The following ZFC3H1 variants were observed in gnomAD, a reference collection of about 807,000 sequenced individuals.
The protein encoded by ZFC3H1 is zinc finger C3H1-type containing, also known as zinc finger C3H1 domain-containing protein.
ZFC3H1 carries 71 observed loss-of-function variants against 243.7 expected under a neutral mutation model. The ratio of observed to expected loss-of-function variants is 0.29; its 90% CI spans 0.24 to 0.36. The LOEUF is 0.36. ZFC3H1 is among the 10% of genes least tolerant of loss of function. The probability of loss-of-function intolerance (pLI) is 1.00; values close to 1 mark genes in which losing one functional copy is unlikely to be tolerated. For synonymous variants in ZFC3H1, 838 were observed against 813.0 expected, an observed-to-expected ratio of 1.03 and a Z score of -0.52; for missense variants, 1,966 against 2,317.1, an observed-to-expected ratio of 0.85 and a Z score of 3.11.
In ZFC3H1 at chr12:71,642,342, C is replaced by T. The variant is rs534425110; in HGVS notation, c.1627+94G>A. Reference sequence around the variant, plus strand: ...ACAGTTCATCAGCAAATCTCACTTTCATTACACATTTCTTTAAAGGTTTTG... The same window carrying T: ...ACAGTTCATCAGCAAATCTCACTTTTATTACACATTTCTTTAAAGGTTTTG... On this transcript the variant is annotated intron_variant, in intron 6 of 34. Coordinates refer to ENST00000378743, the MANE Select transcript of ZFC3H1 (RefSeq NM_144982.5). 9.2e-5 allele frequency: 127 copies of T among 1,375,388 alleles called. No individual in the cohort carries two copies. The Admixed American group carries it at 1.5e-3, about 16-fold the overall frequency. The allele number at this position is 1,375,388 out of a possible 1,614,324, so 85.2% of individuals were successfully genotyped here.
At chr12:71,642,580 T>C (rs200485749) in intron 5 of ZFC3H1, 21 bp from the exon 6 acceptor site, 96 of 1,588,376 alleles carry the variant, frequency 6.0e-5, no homozygotes, top group South Asian at 9.4e-5. Context: ...AACACTTTTT[T>C]AGTTTCAAAG....
chr12:71,611,135 G>T, intron 32 of ZFC3H1, 38 bp from the exon 33 acceptor site: 1 of 1,510,166 alleles, frequency 6.6e-7, no homozygotes, highest in Non-Finnish European at 8.8e-7. Context: ...ATAGAAAAAG[G>T]AAAAGAAAAA....
In ZFC3H1 at chr12:71,658,471, T is replaced by C. The variant is rs559548300; in HGVS notation, c.599-1170A>G. On this transcript the variant is annotated intron_variant, in intron 1 of 34. Coordinates refer to ENST00000378743, the MANE Select transcript of ZFC3H1 (RefSeq NM_144982.5). The stretch of plus-strand genomic sequence containing the variant: ...GCCCAGCTAATTTTTGTATTTTTAG[T>C]AGAGATGGAGTTTCACCATGTTGAC... Among the ~76,000 whole-genome samples the C allele has an allele frequency of 2.6e-3, 391 of 151,970 alleles. 2 individuals are homozygous for C. The highest frequency in any genetic ancestry group is 3.1e-3 in the Non-Finnish European group (209 of 67,954).
intron 1 of ZFC3H1, among the ~76,000 whole-genome samples, chr12:71,661,196 G>A (rs1365188387): frequency 2.6e-5 from 4 of 151,592 alleles, no homozygotes; most frequent in Non-Finnish European, 4.4e-5. Context: ...CCAGCTACTC[G>A]GGAGACTGAG....
At position 71,627,126 on chromosome 12, in the gene ZFC3H1, T is replaced by TA. The variant is rs35254500; in HGVS notation, c.4130+624dup. Among the ~76,000 whole-genome samples the TA allele has an allele frequency of 1.8e-3, 263 of 147,524 alleles. 1 individual carries two copies. Among genetic ancestry groups the TA allele is most frequent in the East Asian group, 7.9e-3 (39 of 4,944 alleles). On this transcript the variant is annotated intron_variant, in intron 21 of 34. Transcript: ENST00000378743. ...TAGTCAAATATTTCAAAGAAACGTGTAAAAAAAAAAAACCCTTGAATTATT... is the reference window on the plus strand; with the variant it reads ...TAGTCAAATATTTCAAAGAAACGTGTAAAAAAAAAAAAACCCTTGAATTATT...
rs761214710 is a variant in ZFC3H1, at chr12:71,663,171, C to A, written c.440G>T (p.Arg147Leu). Reference protein sequence around the residue: ...SHLALDRFRFRGRPYRGGSRW... With the variant: ...SHLALDRFRFLGRPYRGGSRW... ...ACTCCCACCCCGGTAAGGCCTGCCT[C>A]GAAAGCGGAAACGGTCCAAGGCGAG... The change falls in exon 1 of 35, where the codon CGA (arginine) becomes CTA (leucine). Residue 147 changes from arginine (R) to leucine (L), a missense_variant. Transcript: ENST00000378743. 31 of 1,614,000 alleles carry A rather than the reference C, an allele frequency of 1.9e-5. No individual in the cohort carries two copies. Among genetic ancestry groups the A allele is most frequent in the Middle Eastern group, 1.6e-4 (1 of 6,084 alleles).
rs982100353 is a variant in ZFC3H1 at position 71,621,884 on chromosome 12, T to C, written c.4744+1476A>G. On this transcript the variant is annotated intron_variant, in intron 24 of 34. Coordinates refer to ENST00000378743, the MANE Select transcript of ZFC3H1 (RefSeq NM_144982.5). ...TATCCTCCTTACCAGAATACTTTTC[T>C]TGTACTTCAGTTACTGCCATCAGCT... is the stretch of plus-strand genomic sequence containing the variant. Among the ~76,000 whole-genome samples, 36 of 152,226 alleles carry C rather than the reference T, an allele frequency of 2.4e-4. 1 individual carries two copies. The highest frequency in any genetic ancestry group is 8.5e-4 in the Admixed American group (13 of 15,290).
At chr12:71,623,695 G>T in intron 23 of ZFC3H1, 98 bp from the exon 24 acceptor site, 1 of 842,210 alleles carries the variant, frequency 1.2e-6, no homozygotes, top group Non-Finnish European at 1.8e-6. Context: ...ATAATAAAAA[G>T]GTCACATTTA....
At chr12:71,661,600 G>C (rs1292054588) in intron 1 of ZFC3H1, among the ~76,000 whole-genome samples, 1 of 149,782 alleles carries the variant, frequency 6.7e-6, no homozygotes, top group East Asian at 2.0e-4. Flanking sequence ...TCCTGCCTCA[G>C]CCTCCCGGGT....
At chr12:71,641,847 A>G (rs775391939) in intron 6 of ZFC3H1, among the ~76,000 whole-genome samples, 4 of 152,000 alleles carry the variant, frequency 2.6e-5, no homozygotes, top group Non-Finnish European at 4.4e-5. Context: ...CATCTTTCCC[A>G]TTCTTCACTT....
chr12:71,663,435 T>G lies in ZFC3H1; in HGVS notation c.176A>C (p.His59Pro). ...LLPYPRRRPP[H>P]SARGGGSGGG... ...GCCAGATCCACCGCCCCGGGCCGAG[T>G]GAGGAGGCCTTCGCCGCGGATAGGG... Residue 59 changes from histidine to proline, a missense_variant, in exon 1 of 35, where the codon CAC becomes CCC. This residue lies in a region of ZFC3H1 where 484 missense variants were observed against 449.7 expected (regional missense o/e 1.08). Transcript: ENST00000378743. The G allele has an allele frequency of 3.7e-6, 6 of 1,611,862 alleles. No individual in the cohort carries two copies. Among genetic ancestry groups the G allele is most frequent in the Non-Finnish European group, 5.1e-6 (6 of 1,180,000 alleles).
intron 33 of ZFC3H1, 148 bp downstream of exon 33, chr12:71,610,910 A>T: frequency 2.8e-6 from 4 of 1,419,216 alleles, no homozygotes; most frequent in Non-Finnish European, 2.9e-6. Flanking sequence ...GTACTCTTAA[A>T]ATGTTAACTA....
rs1403996318 is a variant in ZFC3H1 at position 71,627,854 on chromosome 12, C to T, written c.4027G>A (p.Glu1343Lys). The T allele has an allele frequency of 6.2e-7, 1 of 1,613,866 alleles. No homozygotes were observed. Among genetic ancestry groups the T allele is most frequent in the Non-Finnish European group, 8.5e-7 (1 of 1,179,906 alleles). Reference sequence around the variant, plus strand: ...TCTAAATTAGCGATGTCATCAGTCTCATTTGTAAAGTATCTGACATCATCT... The same window carrying T: ...TCTAAATTAGCGATGTCATCAGTCTTATTTGTAAAGTATCTGACATCATCT... ...TPDDVRYFTN[E>K]TDDIANLEAS... is the part of the protein sequence containing the mutation. Residue 1343 changes from glutamate to lysine, a missense_variant, in exon 21 of 35, where the codon GAG (glutamate) becomes AAG (lysine). By Grantham distance (56) the Glu-to-Lys change is moderately conservative. Transcript: ENST00000378743.
At chr12:71,616,245 T>A (rs1879892072) in intron 27 of ZFC3H1, among the ~76,000 whole-genome samples, 1 of 152,124 alleles carries the variant, frequency 6.6e-6, no homozygotes, top group Non-Finnish European at 1.5e-5. Flanking sequence ...TACAGTGAGC[T>A]GAGATCACAC....
intron 20 of ZFC3H1, among the ~76,000 whole-genome samples, chr12:71,628,602 A>G (rs1297107630): frequency 1.3e-5 from 2 of 152,244 alleles, no homozygotes; most frequent in Non-Finnish European, 2.9e-5. Flanking sequence ...CAGGCTAGGC[A>G]GTGGTTCTCA....
Position 71,615,194 on chromosome 12 carries a change from T to C in ZFC3H1, c.5255+12A>G. 6.3e-7 allele frequency: 1 copy of C among 1,580,344 alleles called. No homozygotes were observed. The highest frequency in any genetic ancestry group is 8.7e-7 in the Non-Finnish European group (1 of 1,151,482). On this transcript the variant is annotated intron_variant, in intron 28 of 34. Transcript: ENST00000378743. Reference sequence around the variant, plus strand: ...CCTAGTATGCAATATCTCTCCACAGTGGATGTCTCACCAGTAAATCAGCCA... The same window carrying C: ...CCTAGTATGCAATATCTCTCCACAGCGGATGTCTCACCAGTAAATCAGCCA...
chr12:71,618,342 T>C (rs763408205), intron 27 of ZFC3H1, among the ~76,000 whole-genome samples: 3 of 151,958 alleles, frequency 2.0e-5, no homozygotes, highest in Non-Finnish European at 4.4e-5. Context: ...TTAACAAAAT[T>C]TGGGCTTTAA....
chr12:71,644,891 T>C lies in ZFC3H1; in HGVS notation c.1265A>G (p.Lys422Arg). ...AAAATGATCACCTGTAGTGCTAACT[T>C]TTTTGGCCGAATGTGTTTTTGTACT... ...KTSTKTHSAK[K>R]VSTTAKQALR... The change falls in exon 4 of 35, where the codon AAA (lysine) becomes AGA (arginine). Residue 422 changes from lysine to arginine, a missense_variant. Physicochemically the swap from Lys to Arg is conservative, Grantham distance 26. This residue lies in a region of ZFC3H1 where 91 missense variants were observed against 107.6 expected (regional missense o/e 0.85). Transcript: ENST00000378743. The C allele has an allele frequency of 6.2e-7, 1 of 1,611,436 alleles. No individual in the cohort carries two copies. The highest frequency in any genetic ancestry group is 1.3e-5 in the African/African-American group (1 of 74,856).
At chr12:71,651,133 A>G (rs1880873240) in intron 2 of ZFC3H1, among the ~76,000 whole-genome samples, 1 of 152,232 alleles carries the variant, frequency 6.6e-6, no homozygotes, top group African/African-American at 2.4e-5. Context: ...GATCTAAGGT[A>G]GAGACTGAGA....
Sources: allele counts gnomAD v4.1 joint callset (sites outside exome capture counted in the v4.1 genomes callset), GRCh38; gene constraint gnomAD v4.1.1; regional missense constraint gnomAD v4.1.1; transcripts MANE v1.5; gene names NCBI Gene and HGNC (gene_info 2026-07-23, HGNC 2026-07-21).